Variants in DSC3 observed in about 807,000 individuals in gnomAD.
DSC3 encodes the protein desmocollin 3.
DSC3 carries 97 observed loss-of-function variants against 89.5 expected under a neutral mutation model. The ratio of observed to expected loss-of-function variants is 1.08; its 90% CI spans 0.92 to 1.28. DSC3 has a LOEUF of 1.28. DSC3 is among the 50% of genes most tolerant of loss of function. The probability of loss-of-function intolerance (pLI) is 0.00; values close to 1 mark genes in which losing one functional copy is unlikely to be tolerated. For synonymous variants in DSC3, 436 were observed against 384.1 expected (o/e 1.14, Z -1.58); for missense variants, 1,199 against 1,085.3 (o/e 1.10, Z -1.47).
At chr18:31,025,357 GA>G (rs1321958528) in intron 5 of DSC3, among the ~76,000 whole-genome samples, 1 of 152,074 alleles carries the variant, frequency 6.6e-6, no homozygotes, top group Non-Finnish European at 1.5e-5. Flanking sequence ...TGTGTGGAAG[GA>G]AGACAAAAAT....
chr18:31,001,689 GTTTCCC>G lies in DSC3; in HGVS notation c.2158_2163del (p.Gly720_Lys721del), dbSNP rs1454792835. The G allele has an allele frequency of 1.9e-6, 3 of 1,610,690 alleles. No individual in the cohort carries two copies. The highest frequency in any genetic ancestry group is 2.5e-6 in the Non-Finnish European group (3 of 1,178,320). ...TGCTGTGCTAAATCTTCAGGAAAAC[GTTTCCC>G]TTTAGTTGCACCAAAAACTCCACAT... is the stretch of plus-strand genomic sequence containing the variant. On this transcript the variant is annotated inframe_deletion, in exon 14 of 16. Coordinates refer to ENST00000360428, the MANE Select transcript of DSC3 (RefSeq NM_001941.5).
chr18:31,017,286 C>A (rs1321602093), intron 9 of DSC3, among the ~76,000 whole-genome samples: 7 of 152,082 alleles, frequency 4.6e-5, no homozygotes, highest in African/African-American at 1.7e-4. Context: ...GTTTGTGTAC[C>A]AAAGATGCCA....
chr18:30,996,894 T>C lies in DSC3; in HGVS notation c.2390A>G (p.His797Arg), dbSNP rs1984490594. Residue 797 changes from histidine (H) to arginine (R), a missense_variant, in exon 15 of 16, where the codon CAT becomes CGT. Transcript: ENST00000360428. ...CCTGCAGGAGTCCAGGGTATGATGA[T>C]GCCCAGCCCCCCGGCAGGATTCCAA... Reference protein sequence around the residue: ...QTLESCRGAGHHHTLDSCRGG... With the variant: ...QTLESCRGAGRHHTLDSCRGG... 1.2e-6 allele frequency: 2 copies of C among 1,614,034 alleles called. No homozygotes were observed. Among genetic ancestry groups the C allele is most frequent in the African/African-American group, 1.3e-5 (1 of 74,988 alleles).
intron 12 of DSC3, among the ~76,000 whole-genome samples, chr18:31,005,437 C>A (rs2144687538): frequency 6.6e-6 from 1 of 152,256 alleles, no homozygotes; most frequent in African/African-American, 2.4e-5. Flanking sequence ...GCCTTATTTG[C>A]ACATTCCCAA....
intron 6 of DSC3, 73 bp downstream of exon 6, chr18:31,024,276 A>T (rs892332418): frequency 7.1e-7 from 1 of 1,417,606 alleles, no homozygotes; most frequent in African/African-American, 1.4e-5. Context: ...TTGAGTATAA[A>T]AAGCTCTATG....
chr18:31,004,016 A>G (rs1481209700), intron 13 of DSC3, 126 bp downstream of exon 13: 1 of 730,958 alleles, frequency 1.4e-6, no homozygotes, highest in African/African-American at 1.8e-5. Flanking sequence ...AGGTAATAAT[A>G]CAAAAGGAAC....
Position 31,042,696 on chromosome 18 carries a change from C to A in DSC3, c.-36G>T. ...GGCAGGGCCAGGAGAACGCGGGCGC[C>A]GGGAGGGTGCCGAGAGCGAGACCTG... On this transcript the variant is annotated 5_prime_UTR_variant, in exon 1 of 16. Transcript: ENST00000360428. 2 of 1,541,210 alleles carry A rather than the reference C, an allele frequency of 1.3e-6. No homozygotes were observed. Among genetic ancestry groups the A allele is most frequent in the Non-Finnish European group, 1.8e-6 (2 of 1,141,638 alleles).
chr18:31,003,167 C>A (rs1171084922), intron 13 of DSC3, among the ~76,000 whole-genome samples: 1 of 152,190 alleles, frequency 6.6e-6, no homozygotes. Context: ...TCAGACCTAA[C>A]TCTCTATTGA....
rs1003187080 is a variant in DSC3 at position 30,990,461 on chromosome 18, G to C, written c.*3714C>G. 3 of 152,182 alleles carry C rather than the reference G, an allele frequency of 2.0e-5. No homozygotes were observed. Among genetic ancestry groups the C allele is most frequent in the Non-Finnish European group, 4.4e-5 (3 of 68,032 alleles). The allele number at this position is 152,182 out of a possible 1,614,324, so 9.4% of individuals were successfully genotyped here. A position where few individuals can be genotyped will look rare whatever the true frequency, so the allele number is the denominator to read the frequency against. ...CACAAAAATAATGGTTACAATAGAA[G>C]TTACTGGAATTGAAATTTTGGTTCA... is the stretch of plus-strand genomic sequence containing the variant. On this transcript the variant is annotated 3_prime_UTR_variant, in exon 16 of 16. Transcript: ENST00000360428.
intron 9 of DSC3, among the ~76,000 whole-genome samples, chr18:31,008,969 T>C (rs1477397767): frequency 6.6e-6 from 1 of 152,218 alleles, no homozygotes; most frequent in African/African-American, 2.4e-5. Flanking sequence ...TAAAGTTTGA[T>C]GTTGACTTTC....
chr18:31,001,693 C>T lies in DSC3; in HGVS notation c.2160G>A (p.Gly720=). The stretch of plus-strand genomic sequence containing the variant: ...GTGCTAAATCTTCAGGAAAACGTTT[C>T]CCTTTAGTTGCACCAAAAACTCCAC... ...LVCGVFGATK[G]KRFPEDLAQQ... The change falls in exon 14 of 16, where the codon GGG becomes GGA. Residue 720 remains glycine (G), a synonymous_variant. Transcript: ENST00000360428. The T allele has an allele frequency of 1.2e-6, 2 of 1,610,430 alleles. No individual in the cohort carries two copies. The highest frequency in any genetic ancestry group is 1.1e-5 in the South Asian group (1 of 90,028).
Position 31,018,155 on chromosome 18 carries a change from A to G in DSC3, c.1179T>C (p.Phe393=). Residue 393 remains phenylalanine, a synonymous_variant, in exon 9 of 16, where the codon TTT becomes TTC. Coordinates refer to ENST00000360428, the MANE Select transcript of DSC3 (RefSeq NM_001941.5). ...CATTTTCATTTCCCTTTAAAATGGT[A>G]AAATTGACTCTCCAATTGGCAGTGT... ...LINTANWRVN[F]TILKGNENGH... 2.5e-6 allele frequency: 4 copies of G among 1,612,342 alleles called. No homozygotes were observed. The highest frequency in any genetic ancestry group is 3.4e-6 in the Non-Finnish European group (4 of 1,179,028).
chr18:31,030,896 C>G, intron 3 of DSC3, 77 bp downstream of exon 3: 2 of 1,335,732 alleles, frequency 1.5e-6, no homozygotes, highest in Non-Finnish European at 2.1e-6. Flanking sequence ...CCTATTTATC[C>G]TTGTTTCTCT....
At chr18:31,032,328 AC>A (rs755529046) in intron 1 of DSC3, 52 bp from the exon 2 acceptor site, 55 of 1,366,802 alleles carry the variant, frequency 4.0e-5, no homozygotes, top group East Asian at 9.4e-5. Context: ...ATTAAAAAAA[AC>A]ATAATCATAT....
At chr18:31,019,707 C>A (rs1985356298) in intron 7 of DSC3, among the ~76,000 whole-genome samples, 1 of 151,926 alleles carries the variant, frequency 6.6e-6, no homozygotes, top group South Asian at 2.1e-4. Context: ...GGCGGATGGA[C>A]CCTTGAGTGG....
chr18:31,015,364 T>C (rs1391563151), intron 9 of DSC3, among the ~76,000 whole-genome samples: 1 of 152,152 alleles, frequency 6.6e-6, no homozygotes, highest in Non-Finnish European at 1.5e-5. Context: ...ATGATATAGG[T>C]TATAACTTCC....
rs1159013157 is a variant in DSC3, at chr18:30,991,208, A to G, written c.*2967T>C. The G allele has an allele frequency of 6.6e-6, 1 of 152,664 alleles. No homozygotes were observed. The highest frequency in any genetic ancestry group is 2.4e-5 in the African/African-American group (1 of 41,458). The allele number at this position is 152,664 out of a possible 1,614,324, so 9.5% of individuals were successfully genotyped here. On this transcript the variant is annotated 3_prime_UTR_variant, in exon 16 of 16. Coordinates refer to ENST00000360428, the MANE Select transcript of DSC3 (RefSeq NM_001941.5). ...GCAATACTAAAACTCTGTTTAAAAC[A>G]TTGCAAAACAAACCCCACTGCATTT...
At chr18:31,036,961 T>A (rs1738448721) in intron 1 of DSC3, among the ~76,000 whole-genome samples, 1 of 151,768 alleles carries the variant, frequency 6.6e-6, no homozygotes, top group South Asian at 2.1e-4. Flanking sequence ...CCCAGCTAAT[T>A]TTTGTATTTT....
At chr18:31,001,795 ATC>A in intron 13 of DSC3, 56 bp from the exon 14 acceptor site, 1 of 1,351,866 alleles carries the variant, frequency 7.4e-7, no homozygotes, top group Non-Finnish European at 1.0e-6. Context: ...GAATAAAATA[ATC>A]ATCATTTATT....
Sources: allele counts gnomAD v4.1 joint callset (sites outside exome capture counted in the v4.1 genomes callset), GRCh38; gene constraint gnomAD v4.1.1; transcripts MANE v1.5; gene names NCBI Gene and HGNC (gene_info 2026-07-23, HGNC 2026-07-21).